Variants in PAX6 observed in about 807,000 individuals in gnomAD.
PAX6 encodes the protein paired box protein Pax-6.
PAX6 carries 7 observed loss-of-function variants against 60.7 expected under a neutral mutation model. The ratio of observed to expected loss-of-function variants is 0.12; its 90% CI spans 0.07 to 0.22. The LOEUF (loss-of-function observed/expected upper bound fraction) is 0.22. PAX6 is among the 10% of genes least tolerant of loss of function. PAX6 has a pLI of 1.00. For synonymous variants in PAX6, 208 were observed against 201.2 expected (o/e 1.03, Z -0.29); for missense variants, 355 against 555.2 (o/e 0.64, Z 3.62).
chr11:31,805,599 G>A (rs1955533484), intron 4 of PAX6: 1 of 152,666 alleles, frequency 6.6e-6, no homozygotes. Flanking sequence ...AGGCTCCCAG[G>A]TCGGAGCTCT....
rs1956982564 is a variant in PAX6, at chr11:31,811,197, A to G, written c.-399T>C. ...CGCCTCCACCGCTCCTCACTGGCCC[A>G]TTAGCGAAGCCTGACCTCTGTCATC... On this transcript the variant is annotated 5_prime_UTR_variant, in exon 1 of 14. The change abolishes an upstream ATG in the 5' untranslated region. Coordinates refer to ENST00000640368, the MANE Select transcript of PAX6 (RefSeq NM_001368894.2). 1 of 399,372 alleles carries G rather than the reference A, an allele frequency of 2.5e-6. No homozygotes were observed. The allele number at this position is 399,372 out of a possible 1,614,324, so 24.7% of individuals were successfully genotyped here.
At chr11:31,800,319 C>T (rs895149061) in intron 8 of PAX6, among the ~76,000 whole-genome samples, 11 of 152,170 alleles carry the variant, frequency 7.2e-5, no homozygotes, top group Admixed American at 2.6e-4. Context: ...GTTAACCTCG[C>T]AGTCTGTCAG....
At chr11:31,813,358 G>A (rs1957216482), upstream of PAX6, among the ~76,000 whole-genome samples, 2 of 138,140 alleles carry the variant, frequency 1.4e-5, no homozygotes, top group Non-Finnish European at 3.1e-5. Context: ...ACTCAAGTCC[G>A]CTGTGCATGA....
upstream of PAX6, chr11:31,812,302 C>CTCTGTGTGTGTGTG (rs748835787): frequency 4.6e-5 from 4 of 86,228 alleles, no homozygotes; most frequent in African/African-American, 2.1e-4. Flanking sequence ...CTCTCTCTCT[C>CTCTGTGTGTGTGTG]TGTGTGTGTG....
At chr11:31,815,498 G>A (rs1957336110), upstream of PAX6, among the ~76,000 whole-genome samples, 1 of 152,092 alleles carries the variant, frequency 6.6e-6, no homozygotes, top group Non-Finnish European at 1.5e-5. Flanking sequence ...GGGAACTGGG[G>A]GCTTTACTGG....
rs1949158853 is a variant in PAX6, at chr11:31,789,784, C to T, written c.*150G>A. The T allele has an allele frequency of 1.3e-6, 1 of 750,668 alleles. No homozygotes were observed. The highest frequency in any genetic ancestry group is 2.2e-4 in the Middle Eastern group (1 of 4,472). The allele number at this position is 750,668 out of a possible 1,614,324, so 46.5% of individuals were successfully genotyped here. A position where few individuals can be genotyped will look rare whatever the true frequency, so the allele number is the denominator to read the frequency against. ...TCCTTGTTTCAAGTCCATTCCTTCC[C>T]CAGTGGTACAATACAGGACACAATT... is the stretch of plus-strand genomic sequence containing the variant. On this transcript the variant is annotated 3_prime_UTR_variant, in exon 14 of 14. Coordinates refer to ENST00000640368, the MANE Select transcript of PAX6 (RefSeq NM_001368894.2).
intron 12 of PAX6, chr11:31,792,649 G>GGTA (rs1390566959): frequency 2.6e-5 from 4 of 153,994 alleles, no homozygotes; most frequent in African/African-American, 9.6e-5. Context: ...CAGCAACAAA[G>GGTA]GTCTAGTACA....
Position 31,801,608 on chromosome 11 carries a change from C to T in PAX6, c.352G>A (p.Asp118Asn). The change falls in exon 7 of 14, where the codon GAC becomes AAC. Residue 118 changes from aspartate (D) to asparagine (N), a missense_variant. Asp to Asn is a conservative substitution (Grantham distance 23). Around this residue, in one of 5 missense-constraint regions of PAX6, gnomAD observed 143 missense variants for 183.6 expected, o/e 0.78. Coordinates refer to ENST00000640368, the MANE Select transcript of PAX6 (RefSeq NM_001368894.2). ...CPSIFAWEIR[D>N]RLLSEGVCTN... ...CAGACCCCCTCGGACAGTAATCTGT[C>T]TCGGATTTCCCAAGCAAAGATGGAC... 1 of 1,614,106 alleles carries T rather than the reference C, an allele frequency of 6.2e-7. No individual in the cohort carries two copies. Among genetic ancestry groups the T allele is most frequent in the Non-Finnish European group, 8.5e-7 (1 of 1,180,026 alleles).
chr11:31,799,337 C>A (rs957059792), intron 8 of PAX6, among the ~76,000 whole-genome samples: 5 of 152,064 alleles, frequency 3.3e-5, no homozygotes, highest in African/African-American at 9.7e-5. Context: ...CAGGAGGCCT[C>A]CGCCGGCCGA....
intron 9 of PAX6, 28 bp downstream of exon 9, chr11:31,794,602 G>C (rs777005232): frequency 6.2e-7 from 1 of 1,613,014 alleles, no homozygotes; most frequent in Admixed American, 1.7e-5. Context: ...TTGATTTACT[G>C]CTTCTCTACT....
chr11:31,789,140 CA>C lies in PAX6; in HGVS notation c.*793del, dbSNP rs891780172. 4.9e-6 allele frequency: 1 copy of C among 203,158 alleles called. No individual in the cohort carries two copies. 12.6% of individuals were successfully genotyped at this position (203,158 alleles called of 1,614,324 possible). On this transcript the variant is annotated 3_prime_UTR_variant, in exon 14 of 14. Transcript: ENST00000640368. ...CTAAGAACAATTAACTTTTGCTGGC[CA>C]AAAAAGAAACGTATGATTGCATGAA...
intron 4 of PAX6, chr11:31,806,025 G>T (rs1298564544): frequency 7.5e-6 from 2 of 265,334 alleles, no homozygotes; most frequent in Non-Finnish European, 1.4e-5. Context: ...CCTCCTTCTC[G>T]CTCAACTAGG....
chr11:31,816,383 C>CA, intron 1 of PAX6: 1 of 606,172 alleles, frequency 1.6e-6, no homozygotes, highest in Non-Finnish European at 3.0e-6. Flanking sequence ...GAGAAGGCGA[C>CA]AGAGGAGGTC....
In PAX6 at chr11:31,789,647, T is replaced by C. The variant is rs924735815; in HGVS notation, c.*287A>G. ...CATCCAGTCTACATTGTTCTTTTTT[T>C]CATTATAACATACAAATGCCCATTT... On this transcript the variant is annotated 3_prime_UTR_variant, in exon 14 of 14. Coordinates refer to ENST00000640368, the MANE Select transcript of PAX6 (RefSeq NM_001368894.2). 3 of 698,358 alleles carry C rather than the reference T, an allele frequency of 4.3e-6. No individual in the cohort carries two copies. The Middle Eastern group carries it at 6.9e-4, about 162-fold the overall frequency. The allele number at this position is 698,358 out of a possible 1,614,324, so 43.3% of individuals were successfully genotyped here.
intron 12 of PAX6, 168 bp from the exon 13 acceptor site, chr11:31,791,028 G>C: frequency 1.3e-6 from 1 of 799,954 alleles, no homozygotes; most frequent in Admixed American, 2.0e-5. Context: ...CCTCGAGCTA[G>C]TCCTTCCACT....
chr11:31,817,412 C>G (rs1957430659), intron 1 of PAX6, among the ~76,000 whole-genome samples: 1 of 152,212 alleles, frequency 6.6e-6, no homozygotes, highest in African/African-American at 2.4e-5. Flanking sequence ...CTTTCCCAAG[C>G]GTGGATGTCG....
chr11:31,794,491 C>T, intron 9 of PAX6, 139 bp downstream of exon 9: 1 of 727,160 alleles, frequency 1.4e-6, no homozygotes, highest in Admixed American at 2.2e-5. Context: ...GAAAAGATGC[C>T]CAGAGAAATA....
intron 2 of PAX6, chr11:31,810,572 G>C: frequency 6.8e-6 from 2 of 294,932 alleles, no homozygotes; most frequent in Non-Finnish European, 1.2e-5. Flanking sequence ...TGGCGCTGGC[G>C]CTGGCGCTGG....
rs1414622264 is a variant in PAX6 at position 31,789,739 on chromosome 11, G to T, written c.*195C>A. ...ATGAAGATTTGTTCCAACTGATATC[G>T]TGCCTTCTGTATACAAAGGTCCTTG... On this transcript the variant is annotated 3_prime_UTR_variant, in exon 14 of 14. Transcript: ENST00000640368. The T allele has an allele frequency of 1.1e-5, 8 of 707,208 alleles. No homozygotes were observed. The highest frequency in any genetic ancestry group is 1.6e-5 in the Non-Finnish European group (6 of 386,230). The allele number at this position is 707,208 out of a possible 1,614,324, so 43.8% of individuals were successfully genotyped here.
Sources: gnomAD v4.1 joint callset for allele counts (sites outside exome capture counted in the v4.1 genomes callset) on GRCh38, gnomAD v4.1.1 for gene constraint, gnomAD v4.1.1 regional missense constraint, MANE v1.5 for transcripts, NCBI Gene and HGNC (gene_info 2026-07-23, HGNC 2026-07-21) for gene names.